The following GRK7 variants were observed in gnomAD, a reference collection of about 807,000 sequenced individuals.
GRK7 encodes the protein G protein-coupled receptor kinase 7, also known as rhodopsin kinase GRK7.
A neutral mutation model predicts 34.1 loss-of-function variants in GRK7; 24 were observed. The observed-to-expected ratio is 0.70, with a 90% CI of 0.51 to 0.99. The LOEUF (loss-of-function observed/expected upper bound fraction) is 0.99, where lower values mean the gene tolerates loss of function less well. GRK7 is among the 50% of genes least tolerant of loss of function. GRK7 has a pLI of 0.00. For missense variants in GRK7, 644 were observed against 707.3 expected, an observed-to-expected ratio of 0.91 and a Z score of 1.02; for synonymous variants, 256 against 279.4, an observed-to-expected ratio of 0.92 and a Z score of 0.84.
At chr3:141,768,129 A>G (rs565538521) in intron 1 of GRK7, among the ~76,000 whole-genome samples, 1 of 152,222 alleles carries the variant, frequency 6.6e-6, no homozygotes, top group South Asian at 2.1e-4. Context: ...CACGGTTATC[A>G]TGGTAAATGG....
At chr3:141,809,140 T>G (rs1577927278) in intron 5 of GRK7, among the ~76,000 whole-genome samples, 1 of 152,016 alleles carries the variant, frequency 6.6e-6, no homozygotes, top group Non-Finnish European at 1.5e-5. Context: ...AGGCGGAGGT[T>G]GCAGTGAGCC....
intron 5 of GRK7, among the ~76,000 whole-genome samples, chr3:141,811,431 A>G (rs1450409330): frequency 6.6e-6 from 1 of 152,242 alleles, no homozygotes; most frequent in Non-Finnish European, 1.5e-5. Flanking sequence ...GCTACCTTAA[A>G]GCACTGTAAA....
At chr3:141,814,233 A>AC (rs1187030685) in intron 5 of GRK7, among the ~76,000 whole-genome samples, 2 of 151,544 alleles carry the variant, frequency 1.3e-5, no homozygotes, top group Non-Finnish European at 2.9e-5. Context: ...TTTAAAAAAA[A>AC]ATCTTTTATT....
rs1452036580 is a variant in GRK7 at position 141,778,033 on chromosome 3, G to A, written c.-113-139G>A. 6.2e-6 allele frequency: 3 copies of A among 480,932 alleles called. No homozygotes were observed. Among genetic ancestry groups the A allele is most frequent in the Non-Finnish European group, 7.3e-6 (2 of 275,250 alleles). 29.8% of individuals were successfully genotyped at this position (480,932 alleles called of 1,614,324 possible). A position where few individuals can be genotyped will look rare whatever the true frequency, so the allele number is the denominator to read the frequency against. On this transcript the variant is annotated intron_variant, in intron 2 of 5. Transcript: ENST00000682958. This position sits in a 1 kb window ranked among gnomAD's most constrained non-coding sequence, Gnocchi z 4.1. ...AGGGACCAGTGGGGGAGGTGGCCCC[G>A]GCAGGTGTCCCAGCAGCTTTCGCCT...
chr3:141,798,073 G>A (rs1710914015), intron 4 of GRK7, among the ~76,000 whole-genome samples: 1 of 152,186 alleles, frequency 6.6e-6, no homozygotes, highest in South Asian at 2.1e-4. Flanking sequence ...GGTTCAGAGT[G>A]ACAGCTACAG....
intron 4 of GRK7, among the ~76,000 whole-genome samples, chr3:141,807,389 T>C (rs1390477172): frequency 2.0e-5 from 3 of 152,186 alleles, no homozygotes; most frequent in Non-Finnish European, 4.4e-5. Context: ...GCTTCCCTTT[T>C]CATGTGACCT....
At chr3:141,794,237 A>T (rs147061475) in intron 4 of GRK7, among the ~76,000 whole-genome samples, 235 of 152,282 alleles carry the variant, frequency 1.5e-3, no homozygotes, top group African/African-American at 5.5e-3. Flanking sequence ...ATGATTACAA[A>T]CAGCATTAAA....
At chr3:141,777,366 C>T (rs1359827868) in intron 2 of GRK7, among the ~76,000 whole-genome samples, 4 of 93,520 alleles carry the variant, frequency 4.3e-5, no homozygotes. Flanking sequence ...GCTCTGTGGC[C>T]CAGACGGGAG....
intron 2 of GRK7, among the ~76,000 whole-genome samples, chr3:141,777,342 T>TTTTTTTTTTTTTTTTTTTTTTTA (rs1577912931): frequency 8.1e-6 from 1 of 123,934 alleles, no homozygotes; most frequent in Non-Finnish European, 1.7e-5. Context: ...TTTTTTTTTT[T>TTTTTTTTTTTTTTTTTTTTTTTA]GAGACGGAGT....
chr3:141,756,331 G>GGA, the GRK7 span, among the ~76,000 whole-genome samples: 2 of 139,840 alleles, frequency 1.4e-5, no homozygotes, highest in Non-Finnish European at 3.1e-5. Context: ...AAAAAAGGTG[G>GGA]GGGGGTGAAA....
At position 141,780,811 on chromosome 3, in the gene GRK7, G is replaced by A. The variant is rs1327762167; in HGVS notation, c.1050G>A (p.Arg350=). The A allele has an allele frequency of 6.2e-7, 1 of 1,609,780 alleles. No individual in the cohort carries two copies. The highest frequency in any genetic ancestry group is 1.7e-5 in the Admixed American group (1 of 59,874). Residue 350 remains arginine, a splice_region_variant and synonymous_variant, in exon 4 of 6, where the codon AGG becomes AGA. Coordinates refer to ENST00000682958, the MANE Select transcript of GRK7 (RefSeq NM_139209.3). ...AGGGTGGCAAGCCCATCACCCAGAG[G>A]GTGAGTGACTCTCCACCTGCCCCAA... ...EMKGGKPITQ[R]AGTNGYMAPE... is the part of the protein sequence containing the mutation.
At chr3:141,813,942 G>T (rs770173659) in intron 5 of GRK7, among the ~76,000 whole-genome samples, 2 of 152,156 alleles carry the variant, frequency 1.3e-5, no homozygotes, top group African/African-American at 4.8e-5. Context: ...TTAACTGACA[G>T]TAGGCCCTGA....
chr3:141,818,178 G>C lies in GRK7; in HGVS notation c.*1128G>C, dbSNP rs1476817801. 2 of 152,090 alleles carry C rather than the reference G, an allele frequency of 1.3e-5. No homozygotes were observed. Among genetic ancestry groups the C allele is most frequent in the East Asian group, 3.9e-4 (2 of 5,184 alleles). The allele number at this position is 152,090 out of a possible 1,614,324, so 9.4% of individuals were successfully genotyped here. A position where few individuals can be genotyped will look rare whatever the true frequency, so the allele number is the denominator to read the frequency against. ...TTTCAAGTCCTGAAGGAGACCTATGGGCTTAGAAATTGAGTTGAACAGGCC... is the reference window on the plus strand; with the variant it reads ...TTTCAAGTCCTGAAGGAGACCTATGCGCTTAGAAATTGAGTTGAACAGGCC... On this transcript the variant is annotated 3_prime_UTR_variant, in exon 6 of 6. Coordinates refer to ENST00000682958, the MANE Select transcript of GRK7 (RefSeq NM_139209.3).
chr3:141,767,036 A>G (rs1345998513), intron 1 of GRK7, among the ~76,000 whole-genome samples: 1 of 152,186 alleles, frequency 6.6e-6, no homozygotes. Flanking sequence ...AAACAATTAG[A>G]GTCTTGTTTA....
intron 1 of GRK7, among the ~76,000 whole-genome samples, chr3:141,773,610 T>G (rs1312663150): frequency 6.6e-6 from 1 of 152,132 alleles, no homozygotes; most frequent in African/African-American, 2.4e-5. Context: ...CTCCCGGGGT[T>G]TCACCGTGTT....
chr3:141,754,072 A>G, the GRK7 span, among the ~76,000 whole-genome samples: 2 of 152,206 alleles, frequency 1.3e-5, no homozygotes, highest in African/African-American at 4.8e-5. Context: ...TGTGTTTAGT[A>G]TGGTATCTTC....
At chr3:141,781,554 A>G (rs1419755209) in intron 4 of GRK7, among the ~76,000 whole-genome samples, 1 of 151,708 alleles carries the variant, frequency 6.6e-6, no homozygotes, top group Non-Finnish European at 1.5e-5. Flanking sequence ...AAAAAGAAAG[A>G]AAGAAAAAGA....
chr3:141,763,563 G>A lies in GRK7; in HGVS notation c.-2390G>A, dbSNP rs1378159532. Among the ~76,000 whole-genome samples, 5 of 152,136 alleles carry A rather than the reference G, an allele frequency of 3.3e-5. No homozygotes were observed. The highest frequency in any genetic ancestry group is 1.2e-4 in the African/African-American group (5 of 41,410). ...CCTTCAACTTAGCAGTAGCCCAGTG[G>A]AAGCTGCAGGATCCCGGATCCAGAT... On this transcript the variant is annotated 5_prime_UTR_variant, in exon 1 of 6. Transcript: ENST00000682958.
the GRK7 span, among the ~76,000 whole-genome samples, chr3:141,756,326 A>AGGGG: frequency 5.0e-4 from 68 of 135,018 alleles, no homozygotes; most frequent in African/African-American, 1.1e-3. Context: ...AGAAAAAAAA[A>AGGGG]GGTGGGGGGG....
Sources: allele counts gnomAD v4.1 joint callset (sites outside exome capture counted in the v4.1 genomes callset), GRCh38; gene constraint gnomAD v4.1.1; non-coding constraint Gnocchi (gnomAD v3.1); transcripts MANE v1.5; gene names NCBI Gene and HGNC (gene_info 2026-07-23, HGNC 2026-07-21).